Variants in APP observed in about 807,000 individuals in gnomAD.
The protein encoded by APP is amyloid beta precursor protein.
A neutral mutation model predicts 101.4 loss-of-function variants in APP; 31 were observed. The observed-to-expected ratio is 0.31, with a 90% CI of 0.23 to 0.41. The LOEUF is 0.41. APP is among the 10% of genes least tolerant of loss of function. The probability of loss-of-function intolerance (pLI) is 1.00; values close to 1 mark genes in which losing one functional copy is unlikely to be tolerated. For synonymous variants in APP, 366 were observed against 364.4 expected (o/e 1.00, Z -0.05); for missense variants, 839 against 1,003.7 (o/e 0.84, Z 2.22).
chr21:26,000,051 T>A lies in APP; in HGVS notation c.997A>T (p.Thr333Ser). 6.2e-7 allele frequency: 1 copy of A among 1,614,142 alleles called. No individual in the cohort carries two copies. The highest frequency in any genetic ancestry group is 1.1e-5 in the South Asian group (1 of 91,082). The change falls in exon 7 of 18, where the codon ACA (threonine) becomes TCA (serine). Residue 333 changes from threonine to serine, a missense_variant. Thr to Ser is a moderately conservative substitution (Grantham distance 58). Coordinates refer to ENST00000346798, the MANE Select transcript of APP (RefSeq NM_000484.4). ...GCGGNRNNFD[T>S]EEYCMAVCGS... is the part of the protein sequence containing the mutation. The stretch of plus-strand genomic sequence containing the variant: ...CACACGGCCATGCAGTACTCTTCTG[T>A]GTCAAAGTTGTTCCGGTTGCCGCCA...
chr21:26,071,260 C>A (rs1383079369), intron 3 of APP, among the ~76,000 whole-genome samples: 1 of 152,150 alleles, frequency 6.6e-6, no homozygotes, highest in Admixed American at 6.5e-5. Context: ...CCCACTCAAA[C>A]AGAAAGCAGT....
chr21:26,061,403 A>G (rs1372247166), intron 3 of APP, among the ~76,000 whole-genome samples: 1 of 152,188 alleles, frequency 6.6e-6, no homozygotes, highest in African/African-American at 2.4e-5. Context: ...TTATTTTACC[A>G]TTTCAGACTC....
chr21:25,987,330 A>C (rs1165275366), intron 8 of APP, among the ~76,000 whole-genome samples: 2 of 152,164 alleles, frequency 1.3e-5, no homozygotes, highest in Non-Finnish European at 2.9e-5. Context: ...TCCCCCCTCC[A>C]CAAAAACCTA....
At chr21:26,099,584 C>T in intron 2 of APP, among the ~76,000 whole-genome samples, 1 of 152,168 alleles carries the variant, frequency 6.6e-6, no homozygotes, top group East Asian at 1.9e-4. Flanking sequence ...ATGTCCTAGA[C>T]AATATATACT....
At chr21:25,954,009 T>G (rs2041204138) in intron 13 of APP, among the ~76,000 whole-genome samples, 1 of 152,224 alleles carries the variant, frequency 6.6e-6, no homozygotes, top group Non-Finnish European at 1.5e-5. Context: ...CTTTTAAGTT[T>G]AAACAATGAT....
intron 14 of APP, among the ~76,000 whole-genome samples, chr21:25,910,814 T>G (rs1050008372): frequency 1.3e-5 from 2 of 152,244 alleles, no homozygotes; most frequent in Non-Finnish European, 2.9e-5. Context: ...TAAATTTTAT[T>G]TATATGTAGT....
At position 26,068,474 on chromosome 21, in the gene APP, C is replaced by T. The variant is rs1008653050; in HGVS notation, c.356-15126G>A. On this transcript the variant is annotated intron_variant, in intron 3 of 17. Coordinates refer to ENST00000346798, the MANE Select transcript of APP (RefSeq NM_000484.4). ...TCCTGGGCTCAGACAACCTTCCTGTCTCAGCCTTCCAAGTAGCCGGGACTA... is the reference window on the plus strand; with the variant it reads ...TCCTGGGCTCAGACAACCTTCCTGTTTCAGCCTTCCAAGTAGCCGGGACTA... 3.9e-5 allele frequency: 6 copies of T among 152,462 alleles called. No homozygotes were observed. The Admixed American group carries it at 3.9e-4, about 10-fold the overall frequency. The allele number at this position is 152,462 out of a possible 1,614,324, so 9.4% of individuals were successfully genotyped here.
At chr21:26,160,549 A>T (rs1036510646) in intron 1 of APP, among the ~76,000 whole-genome samples, 4 of 152,174 alleles carry the variant, frequency 2.6e-5, no homozygotes, top group Non-Finnish European at 5.9e-5. Flanking sequence ...AGCTCTTCAA[A>T]TTGAAAAATA....
chr21:26,170,242 C>G (rs1425724467), intron 1 of APP, among the ~76,000 whole-genome samples: 2 of 152,176 alleles, frequency 1.3e-5, no homozygotes, highest in Non-Finnish European at 2.9e-5. Context: ...TCTCGCCTCC[C>G]CCGACCCCCG....
intron 1 of APP, among the ~76,000 whole-genome samples, chr21:26,156,742 T>A (rs1194086352): frequency 1.3e-5 from 2 of 152,182 alleles, no homozygotes; most frequent in African/African-American, 4.8e-5. Flanking sequence ...TTTCTCAAAT[T>A]ATATAATACA....
chr21:26,024,213 G>A (rs192650098), intron 5 of APP, among the ~76,000 whole-genome samples: 1 of 152,134 alleles, frequency 6.6e-6, no homozygotes, highest in East Asian at 1.9e-4. Flanking sequence ...GTGGCAGGGG[G>A]TTTCAACCTT....
chr21:25,912,676 T>G (rs995671408), intron 13 of APP, among the ~76,000 whole-genome samples: 2 of 152,084 alleles, frequency 1.3e-5, no homozygotes, highest in Non-Finnish European at 2.9e-5. Flanking sequence ...ACACCAAATA[T>G]CCTGCCTTTC....
chr21:26,008,252 A>C (rs1424797676), intron 6 of APP, among the ~76,000 whole-genome samples: 1 of 152,198 alleles, frequency 6.6e-6, no homozygotes, highest in Non-Finnish European at 1.5e-5. Flanking sequence ...TTACTTGTAA[A>C]GTATTTAGAC....
intron 5 of APP, among the ~76,000 whole-genome samples, chr21:26,048,329 A>G (rs1325229501): frequency 1.3e-5 from 2 of 152,322 alleles, no homozygotes; most frequent in Non-Finnish European, 2.9e-5. Flanking sequence ...TCTTAAAAAA[A>G]GAAAACGAAA....
intron 6 of APP, among the ~76,000 whole-genome samples, chr21:26,005,734 C>A (rs963282325): frequency 1.3e-5 from 2 of 152,144 alleles, no homozygotes; most frequent in African/African-American, 2.4e-5. Flanking sequence ...TTCTCAATAG[C>A]ATAATTTCTT....
At chr21:25,963,228 T>G (rs2041657783) in intron 11 of APP, among the ~76,000 whole-genome samples, 1 of 152,214 alleles carries the variant, frequency 6.6e-6, no homozygotes, top group African/African-American at 2.4e-5. Flanking sequence ...TCTCATACAT[T>G]TGACTAATGG....
intron 17 of APP, among the ~76,000 whole-genome samples, chr21:25,883,811 G>A (rs1465704176): frequency 6.6e-6 from 1 of 152,230 alleles, no homozygotes; most frequent in East Asian, 1.9e-4. Flanking sequence ...GAGGTGGAAT[G>A]ACTACCAGTG....
At chr21:26,034,129 A>AC (rs949405582) in intron 5 of APP, among the ~76,000 whole-genome samples, 2 of 152,142 alleles carry the variant, frequency 1.3e-5, no homozygotes, top group Admixed American at 1.3e-4. Flanking sequence ...CAGATAATAG[A>AC]CCAGATGCCC....
At chr21:26,137,915 A>T (rs1405519803) in intron 1 of APP, among the ~76,000 whole-genome samples, 2 of 152,136 alleles carry the variant, frequency 1.3e-5, no homozygotes, top group African/African-American at 4.8e-5. Flanking sequence ...AACAAAATAC[A>T]TGTTTGTTCC....
Sources: allele counts gnomAD v4.1 joint callset (sites outside exome capture counted in the v4.1 genomes callset), GRCh38; gene constraint gnomAD v4.1.1; transcripts MANE v1.5; gene names NCBI Gene and HGNC (gene_info 2026-07-23, HGNC 2026-07-21).